The following PTPRD variants were observed in gnomAD, a reference collection of about 807,000 sequenced individuals.
The protein encoded by PTPRD is protein tyrosine phosphatase receptor type D.
In PTPRD, 34 loss-of-function variants were observed where a neutral mutation model predicts 214.5. The observed-to-expected ratio is 0.16, with a 90% CI of 0.12 to 0.21. The LOEUF is 0.21. PTPRD is among the 10% of genes least tolerant of loss of function. The pLI is 1.00. For missense variants in PTPRD, 2,545 were observed against 2,398.7 expected (o/e 1.06, Z -1.27); for synonymous variants, 1,128 against 845.7 (o/e 1.33, Z -5.79).
At position 8,816,433 on chromosome 9, in the gene PTPRD, G is replaced by A. The variant is rs527784247; in HGVS notation, c.-103-82487C>T. Among the ~76,000 whole-genome samples, 16 of 152,288 alleles carry A rather than the reference G, an allele frequency of 1.1e-4. No individual in the cohort carries two copies. The East Asian group carries it at 2.9e-3, about 28-fold the overall frequency. Reference sequence around the variant, plus strand: ...AAACACAAGACACAAAGTTGACCCTGAAAGTGATCTCCTCTCACCTCCTCA... The same window carrying A: ...AAACACAAGACACAAAGTTGACCCTAAAAGTGATCTCCTCTCACCTCCTCA... On this transcript the variant is annotated intron_variant, in intron 11 of 45. Coordinates refer to ENST00000381196, the MANE Select transcript of PTPRD (RefSeq NM_002839.4).
chr9:9,936,317 A>G (rs948929114), intron 5 of PTPRD, among the ~76,000 whole-genome samples: 8 of 151,680 alleles, frequency 5.3e-5, no homozygotes, highest in Admixed American at 1.3e-4. Flanking sequence ...GAAAATTTTC[A>G]CAACCTACTC....
rs1187365479 is a variant in PTPRD at position 9,607,005 on chromosome 9, A to AAAAAAAAT, written c.-286-32225_-286-32224insATTTTTTT. 4.9e-4 allele frequency among the ~76,000 whole-genome samples: 59 copies of AAAAAAAAT among 119,678 alleles called. 11 individuals carry two copies. Among genetic ancestry groups the AAAAAAAAT allele is most frequent in the African/African-American group, 1.7e-3 (51 of 30,508 alleles). 78.5% of individuals were successfully genotyped at this position (119,678 alleles called of 152,430 possible). A position where few individuals can be genotyped will look rare whatever the true frequency, so the allele number is the denominator to read the frequency against. Reference sequence around the variant, plus strand: ...AAAAAAAAAAAAAAAAAAAAAAAAAAGTGTTTCTGCCATGTCACCGACCAG... The same window carrying AAAAAAAAT: ...AAAAAAAAAAAAAAAAAAAAAAAAAAAAAAAAATGTGTTTCTGCCATGTCACCGACCAG... On this transcript the variant is annotated intron_variant, in intron 7 of 45. Transcript: ENST00000381196.
chr9:8,458,146 A>G (rs754013985), intron 33 of PTPRD, among the ~76,000 whole-genome samples: 3 of 152,162 alleles, frequency 2.0e-5, no homozygotes, highest in Non-Finnish European at 4.4e-5. Flanking sequence ...CGATGCTTAC[A>G]TAGGCCCACA....
intron 39 of PTPRD, among the ~76,000 whole-genome samples, chr9:8,350,648 G>A (rs956673630): frequency 1.1e-4 from 17 of 151,820 alleles, no homozygotes; most frequent in African/African-American, 4.1e-4. Context: ...CGATATTTGG[G>A]GTTCACTACA....
intron 3 of PTPRD, among the ~76,000 whole-genome samples, chr9:10,048,071 A>G (rs777085845): frequency 2.0e-5 from 3 of 152,038 alleles, no homozygotes; most frequent in Non-Finnish European, 4.4e-5. Flanking sequence ...CCAGCCATCT[A>G]TTTCTCGCTG....
chr9:10,596,284 A>G (rs1476496663), intron 2 of PTPRD, among the ~76,000 whole-genome samples: 1 of 151,658 alleles, frequency 6.6e-6, no homozygotes, highest in Non-Finnish European at 1.5e-5. Flanking sequence ...GAACACACAA[A>G]AAGTAAAAGT....
chr9:10,024,419 T>C (rs1298604009), intron 4 of PTPRD, among the ~76,000 whole-genome samples: 1 of 152,150 alleles, frequency 6.6e-6, no homozygotes, highest in East Asian at 1.9e-4. Context: ...TATAAGTCTT[T>C]TGTGACAGAC....
intron 4 of PTPRD, among the ~76,000 whole-genome samples, chr9:9,991,302 CA>C (rs2095908888): frequency 6.6e-6 from 1 of 151,728 alleles, no homozygotes; most frequent in Non-Finnish European, 1.5e-5. Context: ...AGCACTAACT[CA>C]AACAGAGAGT....
intron 36 of PTPRD, among the ~76,000 whole-genome samples, chr9:8,389,744 A>G (rs750703476): frequency 6.6e-6 from 1 of 152,216 alleles, no homozygotes; most frequent in Admixed American, 6.5e-5. Flanking sequence ...ATCTGGTAAC[A>G]TTCCTCACCC....
intron 8 of PTPRD, among the ~76,000 whole-genome samples, chr9:9,516,170 T>C (rs2096832996): frequency 6.6e-6 from 1 of 152,116 alleles, no homozygotes; most frequent in Non-Finnish European, 1.5e-5. Flanking sequence ...TCTTATTTTG[T>C]TTATACCAAA....
At chr9:10,464,128 T>C (rs1289280128) in intron 2 of PTPRD, among the ~76,000 whole-genome samples, 3 of 152,084 alleles carry the variant, frequency 2.0e-5, no homozygotes, top group Admixed American at 1.3e-4. Flanking sequence ...CCATGTGCAG[T>C]GGCTCACGCC....
At chr9:8,770,608 C>T (rs1056350276) in intron 11 of PTPRD, among the ~76,000 whole-genome samples, 5 of 152,052 alleles carry the variant, frequency 3.3e-5, no homozygotes, top group African/African-American at 1.2e-4. Context: ...CACTTCAGAC[C>T]AAACTCAAAG....
At chr9:9,627,708 G>GGTTA (rs1461162573) in intron 7 of PTPRD, among the ~76,000 whole-genome samples, 1 of 152,180 alleles carries the variant, frequency 6.6e-6, no homozygotes, top group Admixed American at 6.5e-5. Flanking sequence ...TTCCAAGAAA[G>GGTTA]GTTAGAATGG....
At chr9:10,056,193 T>C (rs1276390745) in intron 3 of PTPRD, among the ~76,000 whole-genome samples, 1 of 151,850 alleles carries the variant, frequency 6.6e-6, no homozygotes, top group African/African-American at 2.4e-5. Flanking sequence ...TGGTGGCATG[T>C]GCCTGTTATC....
chr9:9,747,927 G>C (rs1346428782), intron 6 of PTPRD, among the ~76,000 whole-genome samples: 2 of 152,138 alleles, frequency 1.3e-5, no homozygotes, highest in Non-Finnish European at 2.9e-5. Flanking sequence ...TTTGAGAAAG[G>C]AATGTATAAA....
At chr9:8,683,025 A>T (rs571414800) in intron 12 of PTPRD, among the ~76,000 whole-genome samples, 1 of 152,304 alleles carries the variant, frequency 6.6e-6, no homozygotes, top group East Asian at 1.9e-4. Context: ...TTTAACAATA[A>T]CTCCAACAGT....
chr9:9,252,852 AC>A (rs1390747361), intron 9 of PTPRD, among the ~76,000 whole-genome samples: 1 of 152,052 alleles, frequency 6.6e-6, no homozygotes, highest in Non-Finnish European at 1.5e-5. Flanking sequence ...GTTACAGATA[AC>A]CAGCCAATCA....
intron 4 of PTPRD, among the ~76,000 whole-genome samples, chr9:9,954,863 C>A (rs1053275649): frequency 6.6e-6 from 1 of 152,000 alleles, no homozygotes; most frequent in Non-Finnish European, 1.5e-5. Flanking sequence ...ACAAATATTA[C>A]AAAGGAATGA....
At chr9:8,407,937 G>C (rs986621770) in intron 35 of PTPRD, among the ~76,000 whole-genome samples, 5 of 152,144 alleles carry the variant, frequency 3.3e-5, no homozygotes, top group Admixed American at 6.5e-5. Context: ...AAGTTGGTGA[G>C]GTATACTAAG....
Sources: allele counts gnomAD v4.1 joint callset (sites outside exome capture counted in the v4.1 genomes callset), GRCh38; gene constraint gnomAD v4.1.1; transcripts MANE v1.5; gene names NCBI Gene and HGNC (gene_info 2026-07-23, HGNC 2026-07-21).